The following RALYL variants were observed in gnomAD, a reference collection of about 807,000 sequenced individuals.
RALYL encodes the protein RALY RNA binding protein like, also known as RNA-binding Raly-like protein.
A neutral mutation model predicts 35.1 loss-of-function variants in RALYL; 29 were observed. That is an observed-to-expected ratio of 0.83 (90% CI 0.61 to 1.13). The LOEUF (loss-of-function observed/expected upper bound fraction) is 1.13. Ranked by LOEUF, RALYL falls within the 50% of genes most tolerant of loss-of-function variation. The probability of loss-of-function intolerance (pLI) is 0.00; values close to 1 mark genes in which losing one functional copy is unlikely to be tolerated. For synonymous variants in RALYL, 120 were observed against 127.6 expected (o/e 0.94, Z 0.40); for missense variants, 359 against 360.4 (o/e 1.00, Z 0.03).
At chr8:84,844,698 G>A (rs1323307813) in intron 4 of RALYL, among the ~76,000 whole-genome samples, 19 of 151,892 alleles carry the variant, frequency 1.3e-4, no homozygotes, top group African/African-American at 4.6e-4. Flanking sequence ...TATTCACAAT[G>A]GCAAAGACTT....
chr8:84,217,369 G>T (rs1821082013), intron 1 of RALYL, among the ~76,000 whole-genome samples: 1 of 151,956 alleles, frequency 6.6e-6, no homozygotes, highest in Admixed American at 6.6e-5. Context: ...AATGAATTTT[G>T]TAAACATATA....
intron 1 of RALYL, among the ~76,000 whole-genome samples, chr8:84,247,458 G>A (rs1287162801): frequency 6.6e-6 from 1 of 151,332 alleles, no homozygotes; most frequent in East Asian, 1.9e-4. Context: ...TTATCCTTTA[G>A]CAGGCCAAAT....
intron 1 of RALYL, among the ~76,000 whole-genome samples, chr8:84,274,642 C>A (rs1476532326): frequency 6.6e-6 from 1 of 152,066 alleles, no homozygotes; most frequent in Non-Finnish European, 1.5e-5. Flanking sequence ...GAGACTGCTC[C>A]TTTGGTGTTG....
intron 2 of RALYL, among the ~76,000 whole-genome samples, chr8:84,702,537 TCTCA>T (rs562252338): frequency 0.042 from 6,040 of 143,518 alleles, 242 homozygotes; most frequent in African/African-American, 0.11. Flanking sequence ...TCTCTCTCTC[TCTCA>T]CACACACACA....
At chr8:84,915,333 T>A (rs563716508) in intron 8 of RALYL, among the ~76,000 whole-genome samples, 19 of 151,980 alleles carry the variant, frequency 1.3e-4, no homozygotes, top group Non-Finnish European at 2.2e-4. Flanking sequence ...CCCACTGGAG[T>A]TGCTTTCTGC....
chr8:84,777,129 T>C (rs1037386062), intron 3 of RALYL, among the ~76,000 whole-genome samples: 12 of 152,212 alleles, frequency 7.9e-5, no homozygotes, highest in Non-Finnish European at 1.6e-4. Flanking sequence ...TAGTATATAC[T>C]ATGCTGTATA....
intron 4 of RALYL, among the ~76,000 whole-genome samples, chr8:84,839,458 C>A (rs1832729275): frequency 2.0e-5 from 3 of 152,206 alleles, no homozygotes; most frequent in African/African-American, 7.2e-5. Context: ...AGTAGGTAAA[C>A]AAAATGGCCA....
Position 84,554,781 on chromosome 8 carries a change from T to C in RALYL, c.256+25204T>C, listed in dbSNP as rs546305850. Among the ~76,000 whole-genome samples the C allele has an allele frequency of 1.1e-3, 166 of 152,310 alleles. 1 individual carries two copies. Among genetic ancestry groups the C allele is most frequent in the African/African-American group, 3.8e-3 (157 of 41,568 alleles). ...GTCTCTTAGGACGAATAATACTATATAAATGCAAGTAAATAAAATAAAATG... is the reference window on the plus strand; with the variant it reads ...GTCTCTTAGGACGAATAATACTATACAAATGCAAGTAAATAAAATAAAATG... On this transcript the variant is annotated intron_variant, in intron 2 of 8. Transcript: ENST00000521268.
At chr8:84,664,295 G>A (rs1016937035) in intron 2 of RALYL, among the ~76,000 whole-genome samples, 6 of 78,896 alleles carry the variant, frequency 7.6e-5, no homozygotes, top group African/African-American at 2.9e-4. Flanking sequence ...TTTCGCTTTG[G>A]ATTGCCTTGA....
intron 1 of RALYL, among the ~76,000 whole-genome samples, chr8:84,256,965 T>C (rs1180432711): frequency 6.6e-6 from 1 of 151,944 alleles, no homozygotes; most frequent in East Asian, 1.9e-4. Flanking sequence ...TTTCTGGCCA[T>C]GGCAGATATT....
intron 1 of RALYL, among the ~76,000 whole-genome samples, chr8:84,464,387 C>T (rs565713575): frequency 8.5e-4 from 129 of 150,990 alleles, no homozygotes; most frequent in African/African-American, 2.8e-3. Flanking sequence ...TGAGAATATG[C>T]GGTGTTTGGT....
At chr8:84,919,182 T>A (rs1848935259) in intron 8 of RALYL, among the ~76,000 whole-genome samples, 1 of 152,058 alleles carries the variant, frequency 6.6e-6, no homozygotes, top group Admixed American at 6.6e-5. Flanking sequence ...CATTTTCCAT[T>A]TATAATAAGA....
intron 1 of RALYL, among the ~76,000 whole-genome samples, chr8:84,411,622 A>G (rs969076922): frequency 1.3e-5 from 2 of 151,982 alleles, no homozygotes; most frequent in African/African-American, 4.8e-5. Flanking sequence ...GTGATAATCT[A>G]TGTAAAGCAC....
At chr8:84,324,485 A>G (rs1052200650) in intron 1 of RALYL, among the ~76,000 whole-genome samples, 10 of 152,074 alleles carry the variant, frequency 6.6e-5, no homozygotes, top group African/African-American at 2.4e-4. Flanking sequence ...TAAACATATT[A>G]AAGTTCTCAA....
chr8:84,451,687 T>G (rs1445369486), intron 1 of RALYL, among the ~76,000 whole-genome samples: 4 of 151,936 alleles, frequency 2.6e-5, no homozygotes. Context: ...GAATAACAAA[T>G]AAAATTTTGC....
intron 1 of RALYL, among the ~76,000 whole-genome samples, chr8:84,195,946 C>A (rs1274693655): frequency 5.3e-5 from 8 of 152,104 alleles, no homozygotes; most frequent in Non-Finnish European, 7.4e-5. Context: ...AATATGAAGT[C>A]TATTGTTCAG....
intron 1 of RALYL, among the ~76,000 whole-genome samples, chr8:84,494,469 A>T (rs1477558846): frequency 1.3e-5 from 2 of 152,034 alleles, no homozygotes; most frequent in Non-Finnish European, 2.9e-5. Context: ...TGGGAATGTT[A>T]TTGAATCTGT....
intron 6 of RALYL, chr8:84,872,612 AAACTC>A (rs1484685028): frequency 6.6e-6 from 1 of 152,170 alleles, no homozygotes; most frequent in Non-Finnish European, 1.5e-5. Flanking sequence ...AAACTGTACT[AAACTC>A]TAAAAATCTA....
chr8:84,823,545 T>TA (rs1828960088), intron 4 of RALYL, among the ~76,000 whole-genome samples: 1 of 152,102 alleles, frequency 6.6e-6, no homozygotes, highest in Non-Finnish European at 1.5e-5. Flanking sequence ...CCTGGAAAAT[T>TA]AAACAATGAC....
Sources: allele counts gnomAD v4.1 joint callset (sites outside exome capture counted in the v4.1 genomes callset), GRCh38; gene constraint gnomAD v4.1.1; transcripts MANE v1.5; gene names NCBI Gene and HGNC (gene_info 2026-07-23, HGNC 2026-07-21).